The following DACH1 variants were observed in gnomAD, a reference collection of about 807,000 sequenced individuals.
DACH1 encodes dachshund family transcription factor 1.
Under a neutral mutation model 54.2 loss-of-function variants are expected in DACH1, and 12 were observed. That is an observed-to-expected ratio of 0.22 (90% CI 0.14 to 0.36). The LOEUF (loss-of-function observed/expected upper bound fraction) is 0.36, where lower values mean the gene tolerates loss of function less well. Ranked by LOEUF, DACH1 falls within the 10% of genes least tolerant of loss-of-function variation. DACH1 has a pLI of 1.00. For missense variants in DACH1, 805 were observed against 929.8 expected, an observed-to-expected ratio of 0.87 and a Z score of 1.75; for synonymous variants, 386 against 366.2, an observed-to-expected ratio of 1.05 and a Z score of -0.62.
intron 2 of DACH1, among the ~76,000 whole-genome samples, chr13:71,645,216 T>TC (rs1878183791): frequency 6.6e-6 from 1 of 151,982 alleles, no homozygotes; most frequent in South Asian, 2.1e-4. Context: ...AACATGATTC[T>TC]CCCCCCTCTT....
intron 3 of DACH1, among the ~76,000 whole-genome samples, chr13:71,627,362 G>A (rs1454802937): frequency 6.9e-6 from 1 of 144,626 alleles, no homozygotes; most frequent in Admixed American, 6.9e-5. Context: ...AGCCTAAAAT[G>A]TTTAACAGAA....
intron 10 of DACH1, among the ~76,000 whole-genome samples, chr13:71,461,204 A>G (rs192278645): frequency 8.1e-4 from 123 of 152,204 alleles, no homozygotes; most frequent in African/African-American, 2.5e-3. Flanking sequence ...ATACCACTTA[A>G]GTGCCTAACA....
chr13:71,595,067 C>G (rs1873998033), intron 3 of DACH1, among the ~76,000 whole-genome samples: 1 of 152,056 alleles, frequency 6.6e-6, no homozygotes, highest in Non-Finnish European at 1.5e-5. Flanking sequence ...TATAAACATC[C>G]TTAATAAGAA....
chr13:71,627,335 C>CAA lies in DACH1; in HGVS notation c.1126+3219_1126+3220dup, dbSNP rs1221837020. 3.3e-3 allele frequency among the ~76,000 whole-genome samples: 233 copies of CAA among 70,068 alleles called. 1 individual carries two copies. The highest frequency in any genetic ancestry group is 7.0e-3 in the African/African-American group (159 of 22,736). The allele number at this position is 70,068 out of a possible 152,430, so 46.0% of individuals were successfully genotyped here. A position where few individuals can be genotyped will look rare whatever the true frequency, so the allele number is the denominator to read the frequency against. ...ATCAAGGAAAAAAACAACGCTCTTA[C>CAA]AAAAAAAAAAAAAAAAAGCCTAAAA... On this transcript the variant is annotated intron_variant, in intron 3 of 10. Transcript: ENST00000613252.
chr13:71,649,294 C>A (rs1483087178), intron 2 of DACH1, among the ~76,000 whole-genome samples: 3 of 152,026 alleles, frequency 2.0e-5, no homozygotes, highest in Non-Finnish European at 4.4e-5. Flanking sequence ...GATGAAATCA[C>A]CTAAAAACAC....
chr13:71,608,104 A>C (rs1423385911), intron 3 of DACH1, among the ~76,000 whole-genome samples: 1 of 151,812 alleles, frequency 6.6e-6, no homozygotes, highest in Admixed American at 6.6e-5. Context: ...CATCCTCATG[A>C]ATTTATCCTT....
intron 1 of DACH1, among the ~76,000 whole-genome samples, chr13:71,816,606 GTA>G (rs1439517004): frequency 3.4e-5 from 3 of 87,246 alleles, no homozygotes; most frequent in African/African-American, 1.2e-4. Flanking sequence ...ACATATGTGT[GTA>G]TATATATACA....
intron 1 of DACH1, among the ~76,000 whole-genome samples, chr13:71,803,152 C>A (rs1411184348): frequency 6.6e-6 from 1 of 151,994 alleles, no homozygotes; most frequent in Non-Finnish European, 1.5e-5. Flanking sequence ...GAACAAGATA[C>A]CAATTTAATA....
Position 71,865,954 on chromosome 13 carries a change from G to A in DACH1, c.816C>T (p.Phe272=). The change falls in exon 1 of 11, where the codon TTC becomes TTT. Residue 272 remains phenylalanine, a synonymous_variant. Transcript: ENST00000613252. The stretch of plus-strand genomic sequence containing the variant: ...TGGTGCAGTCATTGTAGAGGGTCTC[G>A]AAGTCCTTCCTGGAGATGAGTTTGC... ...NRCKLISRKD[F]ETLYNDCTNA... 1 of 1,613,742 alleles carries A rather than the reference G, an allele frequency of 6.2e-7. No homozygotes were observed. The highest frequency in any genetic ancestry group is 8.5e-7 in the Non-Finnish European group (1 of 1,179,862).
At chr13:71,529,161 A>G (rs979460366) in intron 6 of DACH1, among the ~76,000 whole-genome samples, 1 of 148,482 alleles carries the variant, frequency 6.7e-6, no homozygotes, top group Non-Finnish European at 1.5e-5. Context: ...CACATAGTAC[A>G]TCAAACAATA....
chr13:71,658,437 G>C (rs998361322), intron 2 of DACH1, among the ~76,000 whole-genome samples: 8 of 151,972 alleles, frequency 5.3e-5, no homozygotes, highest in Non-Finnish European at 8.8e-5. Context: ...GTGATCCCAG[G>C]TACTTGGCAG....
rs149264805 is a variant in DACH1, at chr13:71,700,099, GCACA to G, written c.849-18193_849-18190del. On this transcript the variant is annotated intron_variant, in intron 1 of 10. Transcript: ENST00000613252. Reference sequence around the variant, plus strand: ...AAAGTGTGTGTGCGTGCATGCATGTGCACACACACACACACACACGAGACACACA... The same window carrying G: ...AAAGTGTGTGTGCGTGCATGCATGTGCACACACACACACACGAGACACACA... 2.9e-3 allele frequency among the ~76,000 whole-genome samples: 442 copies of G among 149,858 alleles called. 4 individuals are homozygous for G. Among genetic ancestry groups the G allele is most frequent in the African/African-American group, 9.9e-3 (405 of 40,964 alleles).
intron 3 of DACH1, among the ~76,000 whole-genome samples, chr13:71,608,643 TG>T (rs764838214): frequency 6.6e-6 from 1 of 152,140 alleles, no homozygotes; most frequent in Non-Finnish European, 1.5e-5. Context: ...ATTTGGAATA[TG>T]GTATATCTGT....
chr13:71,836,280 T>G (rs1345607030), intron 1 of DACH1, among the ~76,000 whole-genome samples: 5 of 152,048 alleles, frequency 3.3e-5, no homozygotes, highest in Admixed American at 3.3e-4. Context: ...GACTAAAATA[T>G]TAAATAAAAA....
rs570126569 is a variant in DACH1, at chr13:71,442,785, T to C, written c.2084-2093A>G. ...ATTATAGATAATAATGATGCAATTA[T>C]AGCTACATGGATAATAATAGAACAA... On this transcript the variant is annotated intron_variant, in intron 10 of 10. Coordinates refer to ENST00000613252, the MANE Select transcript of DACH1 (RefSeq NM_080759.6). Among the ~76,000 whole-genome samples the C allele has an allele frequency of 7.2e-5, 11 of 152,172 alleles. No individual in the cohort carries two copies. The South Asian group carries it at 2.3e-3, about 32-fold the overall frequency.
At chr13:71,626,605 T>C (rs1594008843) in intron 3 of DACH1, among the ~76,000 whole-genome samples, 1 of 151,996 alleles carries the variant, frequency 6.6e-6, no homozygotes. Flanking sequence ...TTATCTGCAA[T>C]GTAGCTCATA....
At chr13:71,569,077 G>C (rs1285874610) in intron 4 of DACH1, among the ~76,000 whole-genome samples, 2 of 152,048 alleles carry the variant, frequency 1.3e-5, no homozygotes, top group Non-Finnish European at 2.9e-5. Context: ...TGCATGTAAA[G>C]CAAATAACAA....
intron 10 of DACH1, among the ~76,000 whole-genome samples, chr13:71,468,805 A>T (rs1326995257): frequency 3.3e-5 from 5 of 152,134 alleles, no homozygotes; most frequent in African/African-American, 4.8e-5. Context: ...TAATTTTTTC[A>T]CTGTCACTTT....
intron 3 of DACH1, among the ~76,000 whole-genome samples, chr13:71,625,509 A>G (rs1876579895): frequency 1.3e-5 from 2 of 152,024 alleles, no homozygotes; most frequent in South Asian, 4.1e-4. Context: ...AGATAATTTT[A>G]TCTCTTTAAC....
Sources: gnomAD v4.1 joint callset for allele counts (sites outside exome capture counted in the v4.1 genomes callset) on GRCh38, gnomAD v4.1.1 for gene constraint, MANE v1.5 for transcripts, NCBI Gene and HGNC (gene_info 2026-07-23, HGNC 2026-07-21) for gene names.